SORCS1: variants seen among roughly 807,000 people sequenced by gnomAD.
SORCS1 encodes the protein VPS10 domain-containing receptor SorCS1.
A neutral mutation model predicts 146.1 loss-of-function variants in SORCS1; 60 were observed. The observed-to-expected ratio is 0.41, with a 90% CI of 0.33 to 0.51. The LOEUF is 0.51. Among genes scored for constraint, SORCS1 ranks in the 20% least tolerant of loss-of-function variants. The probability of loss-of-function intolerance (pLI) is 0.21; values close to 1 mark genes in which losing one functional copy is unlikely to be tolerated. For synonymous variants in SORCS1, 637 were observed against 584.0 expected (o/e 1.09, Z -1.31); for missense variants, 1,352 against 1,487.6 (o/e 0.91, Z 1.50).
At position 107,129,455 on chromosome 10, in the gene SORCS1, A is replaced by C. The variant is rs546143023; in HGVS notation, c.558+34514T>G. Among the ~76,000 whole-genome samples, 5 of 152,366 alleles carry C rather than the reference A, an allele frequency of 3.3e-5. No individual in the cohort carries two copies. The East Asian group carries it at 7.7e-4, about 23-fold the overall frequency. ...AAGAAGGGAGAAAAAAGAATGTTCAAATAACTCTGTTGTTATCAAAGGCTG... is the reference window on the plus strand; with the variant it reads ...AAGAAGGGAGAAAAAAGAATGTTCACATAACTCTGTTGTTATCAAAGGCTG... On this transcript the variant is annotated intron_variant, in intron 1 of 25. Transcript: ENST00000263054.
chr10:106,982,475 T>C (rs1387394726), intron 1 of SORCS1, among the ~76,000 whole-genome samples: 1 of 152,196 alleles, frequency 6.6e-6, no homozygotes, highest in Non-Finnish European at 1.5e-5. Context: ...AACAGAGAAC[T>C]GTGCCCAGTT....
At chr10:106,958,000 T>C (rs754348562) in intron 1 of SORCS1, among the ~76,000 whole-genome samples, 20 of 152,150 alleles carry the variant, frequency 1.3e-4, no homozygotes, top group Non-Finnish European at 7.3e-5. Context: ...AAGAGCTATA[T>C]ACCCCTTCTC....
chr10:106,798,600 C>T (rs1337944094), intron 3 of SORCS1, among the ~76,000 whole-genome samples: 1 of 152,156 alleles, frequency 6.6e-6, no homozygotes, highest in African/African-American at 2.4e-5. Flanking sequence ...ACCCATGTCC[C>T]TACAAAGGAT....
At chr10:106,911,346 C>T (rs940478452) in intron 2 of SORCS1, among the ~76,000 whole-genome samples, 17 of 152,172 alleles carry the variant, frequency 1.1e-4, no homozygotes, top group African/African-American at 4.1e-4. Flanking sequence ...ATTGAGATTC[C>T]CTTCTGTAGT....
Position 107,060,417 on chromosome 10 carries a change from T to C in SORCS1, c.558+103552A>G, listed in dbSNP as rs917173561. Among the ~76,000 whole-genome samples, 3 of 152,146 alleles carry C rather than the reference T, an allele frequency of 2.0e-5. No homozygotes were observed. Among genetic ancestry groups the C allele is most frequent in the Non-Finnish European group, 4.4e-5 (3 of 68,016 alleles). On this transcript the variant is annotated intron_variant, in intron 1 of 25. Coordinates refer to ENST00000263054, the MANE Select transcript of SORCS1 (RefSeq NM_052918.5). This position sits in a 1 kb window ranked among gnomAD's most constrained non-coding sequence, Gnocchi z 4.1. ...TGTAGAGTGAGGCAAATTTCTTTGC[T>C]GTAATTTTTTATTGTCATGTACTTA...
At chr10:106,596,636 C>G (rs1793695644) in intron 24 of SORCS1, among the ~76,000 whole-genome samples, 2 of 152,118 alleles carry the variant, frequency 1.3e-5, no homozygotes, top group South Asian at 4.2e-4. Flanking sequence ...GGGTGTGGCC[C>G]TGTACCACTC....
At chr10:106,826,835 G>A (rs1948328398) in intron 3 of SORCS1, among the ~76,000 whole-genome samples, 1 of 152,182 alleles carries the variant, frequency 6.6e-6, no homozygotes, top group Admixed American at 6.6e-5. Flanking sequence ...CTGCTCTGAA[G>A]GGTAACAGTC....
chr10:106,614,148 C>T (rs1847195164), intron 21 of SORCS1, among the ~76,000 whole-genome samples: 1 of 152,186 alleles, frequency 6.6e-6, no homozygotes, highest in Non-Finnish European at 1.5e-5. Context: ...AGTAGGTTTT[C>T]AGTTACTATC....
chr10:106,829,588 T>C lies in SORCS1; in HGVS notation c.712A>G (p.Thr238Ala), dbSNP rs1399520481. Reference sequence around the variant, plus strand: ...ACATTTCTTACCTTACGCTTGTTGGTAGGACACACATAGAGATAGCTCAAA... The same window carrying C: ...ACATTTCTTACCTTACGCTTGTTGGCAGGACACACATAGAGATAGCTCAAA... ...TILSYLYVCPTNKRKIMLLTD... is the reference protein window; with the variant it reads ...TILSYLYVCPANKRKIMLLTD... Residue 238 changes from threonine (T) to alanine (A), a missense_variant, in exon 3 of 26, where the codon ACC (threonine) becomes GCC (alanine). Thr to Ala is a moderately conservative substitution (Grantham distance 58). Coordinates refer to ENST00000263054, the MANE Select transcript of SORCS1 (RefSeq NM_052918.5). The C allele has an allele frequency of 6.3e-6, 10 of 1,594,370 alleles. No homozygotes were observed. The highest frequency in any genetic ancestry group is 1.7e-5 in the Admixed American group (1 of 59,844).
Position 106,983,967 on chromosome 10 carries a change from T to C in SORCS1, c.559-27387A>G, listed in dbSNP as rs778496115. Among the ~76,000 whole-genome samples the C allele has an allele frequency of 1.4e-4, 21 of 152,180 alleles. 1 individual carries two copies. Among genetic ancestry groups the C allele is most frequent in the Admixed American group, 7.2e-4 (11 of 15,274 alleles). On this transcript the variant is annotated intron_variant, in intron 1 of 25. Transcript: ENST00000263054. ...TTGGTATTCAGAAGTAGGGTGATAA[T>C]TAATAAGAAAGCTGGTGAAATATTT...
intron 9 of SORCS1, among the ~76,000 whole-genome samples, chr10:106,690,473 C>T (rs370982306): frequency 2.0e-5 from 3 of 152,180 alleles, no homozygotes; most frequent in Admixed American, 6.5e-5. Flanking sequence ...AGGGTGCCAG[C>T]GCAGGGTTAT....
In SORCS1 at chr10:106,574,506, G is replaced by A. The variant is rs1844495835; in HGVS notation, c.*2914C>T. The A allele has an allele frequency of 6.6e-6, 1 of 152,556 alleles. No homozygotes were observed. The highest frequency in any genetic ancestry group is 1.5e-5 in the Non-Finnish European group (1 of 68,046). The allele number at this position is 152,556 out of a possible 1,614,324, so 9.5% of individuals were successfully genotyped here. A position where few individuals can be genotyped will look rare whatever the true frequency, so the allele number is the denominator to read the frequency against. On this transcript the variant is annotated 3_prime_UTR_variant, in exon 26 of 26. Transcript: ENST00000263054. ...CTTCTGTTTGAGATTCAGCTGGAAT[G>A]GCCTAGTACAATGGTTCTCAAACTT...
At chr10:106,810,882 A>C (rs1019231291) in intron 3 of SORCS1, among the ~76,000 whole-genome samples, 5 of 152,104 alleles carry the variant, frequency 3.3e-5, no homozygotes, top group African/African-American at 1.2e-4. Flanking sequence ...TCTTTCTAGG[A>C]GAGAAATCAT....
chr10:106,666,812 C>T (rs912083032), intron 17 of SORCS1, among the ~76,000 whole-genome samples: 3 of 152,044 alleles, frequency 2.0e-5, no homozygotes, highest in African/African-American at 7.2e-5. Context: ...GTGATCCGCC[C>T]ACCTTAGCCT....
At chr10:106,793,138 T>C (rs1185650112) in intron 3 of SORCS1, among the ~76,000 whole-genome samples, 2 of 152,200 alleles carry the variant, frequency 1.3e-5, no homozygotes, top group Admixed American at 1.3e-4. Flanking sequence ...TGCAGAGCTA[T>C]TGAAATGTAC....
chr10:107,085,956 C>T lies in SORCS1; in HGVS notation c.558+78013G>A, dbSNP rs150017952. Among the ~76,000 whole-genome samples the T allele has an allele frequency of 1.4e-4, 22 of 152,268 alleles. No homozygotes were observed. In the East Asian group the frequency reaches 1.9e-3, roughly 13 times the overall value. ...CCCACTACCAAACAAATTTCCAAGC[C>T]GTATTGTTGAAAAGAATGCAGTTGG... On this transcript the variant is annotated intron_variant, in intron 1 of 25. Coordinates refer to ENST00000263054, the MANE Select transcript of SORCS1 (RefSeq NM_052918.5).
intron 3 of SORCS1, among the ~76,000 whole-genome samples, chr10:106,787,627 T>A (rs11193049): frequency 6.6e-6 from 1 of 152,300 alleles, no homozygotes; most frequent in East Asian, 1.9e-4. Flanking sequence ...CAGTGGTATT[T>A]CTCAACACCC....
At chr10:106,898,098 T>A (rs1951555941) in intron 2 of SORCS1, among the ~76,000 whole-genome samples, 1 of 152,220 alleles carries the variant, frequency 6.6e-6, no homozygotes, top group African/African-American at 2.4e-5. Context: ...CACAGCTCTT[T>A]CAAAAGAGCA....
At chr10:106,999,412 C>A (rs1564908148) in intron 1 of SORCS1, among the ~76,000 whole-genome samples, 3 of 152,222 alleles carry the variant, frequency 2.0e-5, no homozygotes, top group Admixed American at 2.0e-4. Context: ...GTTTCATTAA[C>A]AGGAGCTCAT....
Sources: allele counts gnomAD v4.1 joint callset (sites outside exome capture counted in the v4.1 genomes callset), GRCh38; gene constraint gnomAD v4.1.1; non-coding constraint Gnocchi (gnomAD v3.1); transcripts MANE v1.5; gene names NCBI Gene and HGNC (gene_info 2026-07-23, HGNC 2026-07-21).